CTNNA3: variants seen among roughly 807,000 people sequenced by gnomAD.
CTNNA3 encodes the protein catenin alpha 3.
Under a neutral mutation model 95.7 loss-of-function variants are expected in CTNNA3, and 76 were observed. The ratio of observed to expected loss-of-function variants is 0.79; its 90% CI spans 0.66 to 0.96. The LOEUF (loss-of-function observed/expected upper bound fraction) is 0.96. Ranked by LOEUF, CTNNA3 falls within the 40% of genes least tolerant of loss-of-function variation. CTNNA3 has a pLI of 0.00. For missense variants in CTNNA3, 1,191 were observed against 1,089.8 expected (o/e 1.09, Z -1.31); for synonymous variants, 431 against 374.4 (o/e 1.15, Z -1.74).
At chr10:66,793,122 G>T (rs142299034) in intron 7 of CTNNA3, among the ~76,000 whole-genome samples, 4 of 151,906 alleles carry the variant, frequency 2.6e-5, no homozygotes, top group Non-Finnish European at 5.9e-5. Flanking sequence ...TGAGGTTTTG[G>T]GGGGAGTAGG....
At chr10:66,453,713 AACC>A in intron 11 of CTNNA3, among the ~76,000 whole-genome samples, 1 of 152,240 alleles carries the variant, frequency 6.6e-6, no homozygotes, top group Non-Finnish European at 1.5e-5. Context: ...CTGACATTGG[AACC>A]ACAGACAATA....
At chr10:67,614,135 G>A (rs1180892034) in intron 2 of CTNNA3, among the ~76,000 whole-genome samples, 1 of 152,088 alleles carries the variant, frequency 6.6e-6, no homozygotes, top group East Asian at 1.9e-4. Context: ...CTGCTGATTG[G>A]TCCATTTTAC....
intron 10 of CTNNA3, among the ~76,000 whole-genome samples, chr10:66,527,119 G>T (rs551825793): frequency 6.6e-6 from 1 of 152,142 alleles, no homozygotes; most frequent in South Asian, 2.1e-4. Context: ...CACAAGGTGG[G>T]GCAAACTTCA....
At position 66,549,255 on chromosome 10, in the gene CTNNA3, C is replaced by G. The variant is rs867911573; in HGVS notation, c.1375-28482G>C. Among the ~76,000 whole-genome samples, 5 of 152,050 alleles carry G rather than the reference C, an allele frequency of 3.3e-5. No homozygotes were observed. The South Asian group carries it at 8.3e-4, about 25-fold the overall frequency. On this transcript the variant is annotated intron_variant, in intron 10 of 17. Coordinates refer to ENST00000433211, the MANE Select transcript of CTNNA3 (RefSeq NM_013266.4). Reference sequence around the variant, plus strand: ...GTGATCTGCCCGCCTCTGTCTCCACCAAAGTGCTGGGATTACAGGCGTGAG... The same window carrying G: ...GTGATCTGCCCGCCTCTGTCTCCACGAAAGTGCTGGGATTACAGGCGTGAG...
chr10:66,022,926 A>G (rs1436224537), intron 15 of CTNNA3, among the ~76,000 whole-genome samples: 2 of 152,194 alleles, frequency 1.3e-5, no homozygotes. Flanking sequence ...TCTCTAAAAA[A>G]TGTGAGGACT....
At chr10:66,101,977 A>AT (rs892735986) in intron 14 of CTNNA3, among the ~76,000 whole-genome samples, 11 of 152,076 alleles carry the variant, frequency 7.2e-5, no homozygotes, top group South Asian at 2.1e-4. Flanking sequence ...GAATATCAAC[A>AT]TTTTTTTTAA....
chr10:66,728,942 G>C lies in CTNNA3; in HGVS notation c.1281+37322C>G, dbSNP rs117627134. 9.2e-3 allele frequency among the ~76,000 whole-genome samples: 1,400 copies of C among 152,244 alleles called. 3 individuals carry two copies. Among genetic ancestry groups the C allele is most frequent in the Admixed American group, 0.021 (324 of 15,286 alleles). On this transcript the variant is annotated intron_variant, in intron 9 of 17. Coordinates refer to ENST00000433211, the MANE Select transcript of CTNNA3 (RefSeq NM_013266.4). The stretch of plus-strand genomic sequence containing the variant: ...AATTTTTGTATATGGTATAAGGAAG[G>C]TGTCCAGCTTCAATTTTCTGCATAT...
rs372182192 is a variant in CTNNA3 at position 66,927,010 on chromosome 10, C to G, written c.1048-151486G>C. On this transcript the variant is annotated intron_variant, in intron 7 of 17. Coordinates refer to ENST00000433211, the MANE Select transcript of CTNNA3 (RefSeq NM_013266.4). This position sits in a 1 kb window ranked among gnomAD's most constrained non-coding sequence, Gnocchi z 4.7. ...ACTGACAATGCTTTCTTCTGCCGAACGAGGATGCCCTAAGGGCTGTAGGTG... is the reference window on the plus strand; with the variant it reads ...ACTGACAATGCTTTCTTCTGCCGAAGGAGGATGCCCTAAGGGCTGTAGGTG... The G allele has an allele frequency of 4.3e-6, 7 of 1,613,938 alleles. No homozygotes were observed. Among genetic ancestry groups the G allele is most frequent in the Admixed American group, 1.7e-5 (1 of 59,992 alleles).
At chr10:67,549,954 C>G (rs1429969425) in intron 3 of CTNNA3, among the ~76,000 whole-genome samples, 1 of 152,136 alleles carries the variant, frequency 6.6e-6, no homozygotes, top group African/African-American at 2.4e-5. Flanking sequence ...GATCCCTCAT[C>G]TGAGATAAAT....
chr10:65,926,918 C>T (rs1589136378), intron 17 of CTNNA3, among the ~76,000 whole-genome samples: 1 of 152,286 alleles, frequency 6.6e-6, no homozygotes, highest in East Asian at 1.9e-4. Flanking sequence ...ACAGCTTTGA[C>T]TTGCACATAC....
chr10:65,981,797 TAGA>T (rs2078324540), intron 16 of CTNNA3, among the ~76,000 whole-genome samples: 1 of 151,836 alleles, frequency 6.6e-6, no homozygotes, highest in East Asian at 1.9e-4. Context: ...TAGCCAGATG[TAGA>T]AGAATGAAAC....
intron 1 of CTNNA3, among the ~76,000 whole-genome samples, chr10:67,715,378 T>C (rs915711598): frequency 1.4e-4 from 21 of 152,158 alleles, no homozygotes; most frequent in African/African-American, 4.8e-4. Flanking sequence ...TAAGGGGCCA[T>C]GCAGGAATAA....
chr10:67,019,210 A>T (rs952530798), intron 7 of CTNNA3, among the ~76,000 whole-genome samples: 4 of 152,002 alleles, frequency 2.6e-5, no homozygotes, highest in Admixed American at 6.5e-5. Flanking sequence ...TTCTTTTTTT[A>T]ATTTTATTTT....
At chr10:67,497,584 T>G (rs2133093666) in intron 5 of CTNNA3, among the ~76,000 whole-genome samples, 1 of 152,286 alleles carries the variant, frequency 6.6e-6, no homozygotes, top group Non-Finnish European at 1.5e-5. Context: ...CCACGTCCTC[T>G]CCAGCATCTG....
intron 7 of CTNNA3, among the ~76,000 whole-genome samples, chr10:67,163,508 C>T (rs1372037137): frequency 2.6e-5 from 4 of 151,908 alleles, no homozygotes; most frequent in South Asian, 4.1e-4. Context: ...AGATCTAAAG[C>T]TAACATTGTA....
At chr10:66,622,423 A>T (rs1264681979) in intron 9 of CTNNA3, among the ~76,000 whole-genome samples, 2 of 152,140 alleles carry the variant, frequency 1.3e-5, no homozygotes, top group Non-Finnish European at 2.9e-5. Flanking sequence ...TTCTTCCAAC[A>T]AAATGAGTGC....
chr10:66,661,374 A>G (rs928652441), intron 9 of CTNNA3, among the ~76,000 whole-genome samples: 34 of 152,132 alleles, frequency 2.2e-4, no homozygotes, highest in Admixed American at 1.5e-3. Context: ...CTGATTCGCT[A>G]TCACGAGAAT....
chr10:67,051,026 G>C (rs4745925), intron 7 of CTNNA3, among the ~76,000 whole-genome samples: 133,824 of 152,188 alleles, frequency 0.88, 59,053 homozygotes, highest in Admixed American at 0.94. Flanking sequence ...AAATATAAGA[G>C]ACAGTTTCTG....
At chr10:66,758,668 C>T (rs1026887957) in intron 9 of CTNNA3, among the ~76,000 whole-genome samples, 1 of 152,152 alleles carries the variant, frequency 6.6e-6, no homozygotes, top group African/African-American at 2.4e-5. Flanking sequence ...GGCATGGTGG[C>T]TCACGCCTGT....
Sources: gnomAD v4.1 joint callset for allele counts (sites outside exome capture counted in the v4.1 genomes callset) on GRCh38, gnomAD v4.1.1 for gene constraint, Gnocchi (gnomAD v3.1) non-coding constraint, MANE v1.5 for transcripts, NCBI Gene and HGNC (gene_info 2026-07-23, HGNC 2026-07-21) for gene names.